Variants in RPS6KA5 observed in about 807,000 individuals in gnomAD.
The protein encoded by RPS6KA5 is ribosomal protein S6 kinase A5, also known as ribosomal protein S6 kinase alpha-5.
A neutral mutation model predicts 85.5 loss-of-function variants in RPS6KA5; 27 were observed. That is an observed-to-expected ratio of 0.32 (90% confidence interval 0.23 to 0.44). The LOEUF (loss-of-function observed/expected upper bound fraction) is 0.44. Ranked by LOEUF, RPS6KA5 falls within the 20% of genes least tolerant of loss-of-function variation. The pLI, the probability that RPS6KA5 is intolerant of heterozygous loss-of-function variation, is 1.00. For missense variants in RPS6KA5, 811 were observed against 980.9 expected, an observed-to-expected ratio of 0.83 and a Z score of 2.31; for synonymous variants, 334 against 348.2, an observed-to-expected ratio of 0.96 and a Z score of 0.46.
intron 1 of RPS6KA5, among the ~76,000 whole-genome samples, chr14:91,057,569 A>C (rs190299741): frequency 2.0e-5 from 3 of 152,326 alleles, no homozygotes; most frequent in Non-Finnish European, 4.4e-5. Flanking sequence ...CAGGCTGCTG[A>C]GCAGCCGCAA....
At chr14:90,953,094 G>A (rs2038297192) in intron 3 of RPS6KA5, among the ~76,000 whole-genome samples, 1 of 152,194 alleles carries the variant, frequency 6.6e-6, no homozygotes, top group African/African-American at 2.4e-5. Context: ...AAAAAGAAAG[G>A]GAGAGATGTT....
rs935808336 is a variant in RPS6KA5, at chr14:90,870,696, T to G, written c.*1378A>C. On this transcript the variant is annotated 3_prime_UTR_variant, in exon 17 of 17. Coordinates refer to ENST00000614987, the MANE Select transcript of RPS6KA5 (RefSeq NM_004755.4). ...TATAAAATAAACATGTTGGGCATTA[T>G]CTCTTTAAGCATGATTCCTGTAAAC... 1 of 152,292 alleles carries G rather than the reference T, an allele frequency of 6.6e-6. No individual in the cohort carries two copies. Among genetic ancestry groups the G allele is most frequent in the Non-Finnish European group, 1.5e-5 (1 of 67,970 alleles). The allele number at this position is 152,292 out of a possible 1,614,324, so 9.4% of individuals were successfully genotyped here. A position where few individuals can be genotyped will look rare whatever the true frequency, so the allele number is the denominator to read the frequency against.
chr14:90,970,196 A>G (rs559655856), intron 3 of RPS6KA5, among the ~76,000 whole-genome samples: 7 of 152,224 alleles, frequency 4.6e-5, no homozygotes, highest in Admixed American at 2.0e-4. Context: ...CAAAATCATT[A>G]CAAAGTTCTG....
rs188418933 is a variant in RPS6KA5 at position 90,907,443 on chromosome 14, G to A, written c.807-1144C>T. Among the ~76,000 whole-genome samples the A allele has an allele frequency of 4.3e-3, 656 of 152,244 alleles. 9 individuals carry two copies. Among genetic ancestry groups the A allele is most frequent in the African/African-American group, 0.015 (611 of 41,542 alleles). On this transcript the variant is annotated intron_variant, in intron 7 of 16. Coordinates refer to ENST00000614987, the MANE Select transcript of RPS6KA5 (RefSeq NM_004755.4). ...AATAGGTATTATGATGCTTAAATAA[G>A]ACCTGTAGAGTGCTTAACATAGTAC...
chr14:90,902,941 T>C lies in RPS6KA5; in HGVS notation c.986A>G (p.Lys329Arg), dbSNP rs375770844. The change falls in exon 9 of 17, where the codon AAA (lysine) becomes AGA (arginine). Residue 329 changes from lysine (K) to arginine (R), a missense_variant. Physicochemically the swap from Lys to Arg is conservative, Grantham distance 26 (BLOSUM62 2). This residue lies in a region of RPS6KA5 where 650 missense variants were observed against 793.4 expected (regional missense o/e 0.82). Transcript: ENST00000614987. ...QKINWDDLAA[K>R]KVPAPFKPVI... Reference sequence around the variant, plus strand: ...TGGCTTAAATGGTGCAGGCACTTTTTTGGCGGCTAAATCATCCCAATTTAT... The same window carrying C: ...TGGCTTAAATGGTGCAGGCACTTTTCTGGCGGCTAAATCATCCCAATTTAT... The C allele has an allele frequency of 1.9e-6, 3 of 1,612,892 alleles. No individual in the cohort carries two copies. The highest frequency in any genetic ancestry group is 4.5e-5 in the East Asian group (2 of 44,840).
At chr14:90,899,264 T>C (rs1337712331) in intron 12 of RPS6KA5, 65 bp downstream of exon 12, 4 of 1,154,416 alleles carry the variant, frequency 3.5e-6, no homozygotes, top group Non-Finnish European at 5.0e-6. Context: ...ACAAAACGCG[T>C]GAAAAGTACA....
intron 2 of RPS6KA5, among the ~76,000 whole-genome samples, chr14:90,986,093 C>A (rs1185653156): frequency 6.6e-6 from 1 of 152,156 alleles, no homozygotes; most frequent in Non-Finnish European, 1.5e-5. Context: ...ATGATGGATT[C>A]AACCGTGGTT....
chr14:90,875,311 A>C lies in RPS6KA5; in HGVS notation c.1886T>G (p.Leu629Trp). 4 of 1,613,988 alleles carry C rather than the reference A, an allele frequency of 2.5e-6. No homozygotes were observed. Among genetic ancestry groups the C allele is most frequent in the Non-Finnish European group, 3.4e-6 (4 of 1,179,910 alleles). ...GATTTCCACCGCGCTGGTACACGTC[A>C]AACTTCGGTCATGAGATTGGAAGGG... ...QVPFQSHDRSLTCTSAVEIMK... is the reference protein window; with the variant it reads ...QVPFQSHDRSWTCTSAVEIMK... Residue 629 changes from leucine (L) to tryptophan (W), a missense_variant, in exon 15 of 17, where the codon TTG becomes TGG. Transcript: ENST00000614987.
intron 14 of RPS6KA5, among the ~76,000 whole-genome samples, chr14:90,879,784 T>C (rs1303194816): frequency 1.6e-5 from 1 of 62,620 alleles, no homozygotes; most frequent in East Asian, 5.3e-4. Context: ...ACTCCTAATT[T>C]TTTTTTTTTT....
At chr14:90,921,062 C>A (rs1234525550) in intron 6 of RPS6KA5, among the ~76,000 whole-genome samples, 4 of 152,020 alleles carry the variant, frequency 2.6e-5, no homozygotes, top group Non-Finnish European at 4.4e-5. Flanking sequence ...AAAATTACTT[C>A]TTTTGTAATT....
intron 1 of RPS6KA5, among the ~76,000 whole-genome samples, chr14:91,044,984 T>C (rs1235849591): frequency 6.6e-6 from 1 of 152,058 alleles, no homozygotes; most frequent in African/African-American, 2.4e-5. Context: ...AGGAACTGAA[T>C]TCTACCAACA....
chr14:90,978,277 TAAA>T (rs1202494286), intron 3 of RPS6KA5, 26 bp downstream of exon 3: 1 of 1,534,736 alleles, frequency 6.5e-7, no homozygotes, highest in Admixed American at 2.0e-5. Flanking sequence ...AGTGTTTTCA[TAAA>T]AAGTCTGATA....
chr14:90,880,028 C>T lies in RPS6KA5; in HGVS notation c.1837-4668G>A, dbSNP rs140981916. 5.0e-3 allele frequency among the ~76,000 whole-genome samples: 757 copies of T among 152,046 alleles called. 3 individuals are homozygous for T. The highest frequency in any genetic ancestry group is 9.0e-3 in the Non-Finnish European group (613 of 67,968). On this transcript the variant is annotated intron_variant, in intron 14 of 16. Transcript: ENST00000614987. The stretch of plus-strand genomic sequence containing the variant: ...CTTGGCCAGGCTGGTCTCAAACTCC[C>T]GACCTTGTGATCTACCCGCCTTGGC...
intron 1 of RPS6KA5, among the ~76,000 whole-genome samples, chr14:91,022,762 T>C (rs1395381917): frequency 6.6e-6 from 1 of 152,220 alleles, no homozygotes; most frequent in East Asian, 1.9e-4. Context: ...ACTTATGTAA[T>C]TACAAATATA....
Position 90,859,473 on chromosome 14 carries a change from GA to G in RPS6KA5, c.*12600del, listed in dbSNP as rs1281379251. On this transcript the variant is annotated 3_prime_UTR_variant, in exon 17 of 17. Transcript: ENST00000614987. ...GATTAATGTGTTCAAGAATATAGAG[GA>G]AAAGACAAGATATGATCAGAGACTT... is the stretch of plus-strand genomic sequence containing the variant. 6.6e-6 allele frequency: 1 copy of G among 152,074 alleles called. No homozygotes were observed. Among genetic ancestry groups the G allele is most frequent in the Non-Finnish European group, 1.5e-5 (1 of 68,008 alleles). 9.4% of individuals were successfully genotyped at this position (152,074 alleles called of 1,614,324 possible).
rs764424537 is a variant in RPS6KA5, at chr14:90,941,784, T to C, written c.618+1294A>G. ...TGTTACTGTCATCCATCTTCTAAAA[T>C]GTAGTTGCTATTTTCTCTTTTCCCT... is the stretch of plus-strand genomic sequence containing the variant. On this transcript the variant is annotated intron_variant, in intron 5 of 16. Coordinates refer to ENST00000614987, the MANE Select transcript of RPS6KA5 (RefSeq NM_004755.4). Among the ~76,000 whole-genome samples the C allele has an allele frequency of 3.9e-5, 6 of 152,234 alleles. No individual in the cohort carries two copies. In the East Asian group the frequency reaches 5.8e-4, roughly 15 times the overall value.
chr14:90,944,764 A>G (rs2037779795), intron 4 of RPS6KA5, among the ~76,000 whole-genome samples: 1 of 150,422 alleles, frequency 6.6e-6, no homozygotes, highest in Non-Finnish European at 1.5e-5. Context: ...TCAAAAAAAA[A>G]AAAAATTAGC....
At chr14:90,911,725 A>G (rs1382415845) in intron 7 of RPS6KA5, among the ~76,000 whole-genome samples, 2 of 152,098 alleles carry the variant, frequency 1.3e-5, no homozygotes, top group Non-Finnish European at 2.9e-5. Flanking sequence ...TGAAAAATAC[A>G]AAATTATATT....
intron 2 of RPS6KA5, among the ~76,000 whole-genome samples, chr14:90,998,192 T>C (rs1414500883): frequency 6.6e-6 from 1 of 152,082 alleles, no homozygotes; most frequent in East Asian, 1.9e-4. Context: ...AGTGGTTGTT[T>C]AGGACTGGGG....
Sources: allele counts gnomAD v4.1 joint callset (sites outside exome capture counted in the v4.1 genomes callset), GRCh38; gene constraint gnomAD v4.1.1; regional missense constraint gnomAD v4.1.1; transcripts MANE v1.5; gene names NCBI Gene and HGNC (gene_info 2026-07-23, HGNC 2026-07-21).